Variants in SLC16A10 observed in about 807,000 individuals in gnomAD.
SLC16A10 encodes monocarboxylate transporter 10.
SLC16A10 carries 27 observed loss-of-function variants against 40.0 expected under a neutral mutation model. The ratio of observed to expected loss-of-function variants is 0.67; its 90% CI spans 0.50 to 0.93. SLC16A10 has a LOEUF of 0.93. Among genes scored for constraint, SLC16A10 ranks in the 40% least tolerant of loss-of-function variants. SLC16A10 has a pLI of 0.00. For synonymous variants in SLC16A10, 213 were observed against 249.8 expected (o/e 0.85, Z 1.39); for missense variants, 529 against 658.2 (o/e 0.80, Z 2.15).
chr6:111,200,661 G>A (rs1251644416), intron 3 of SLC16A10, among the ~76,000 whole-genome samples: 1 of 152,144 alleles, frequency 6.6e-6, no homozygotes, highest in African/African-American at 2.4e-5. Context: ...AAGTCAAAGG[G>A]TAGTGTTAAG....
chr6:111,173,142 C>T (rs1772619077), intron 2 of SLC16A10, among the ~76,000 whole-genome samples: 1 of 152,098 alleles, frequency 6.6e-6, no homozygotes, highest in African/African-American at 2.4e-5. Flanking sequence ...CCTAATGGCA[C>T]TCAAGTTATA....
chr6:111,228,270 T>C lies in SLC16A10; in HGVS notation c.*6035T>C, dbSNP rs1390220381. 6.6e-6 allele frequency: 1 copy of C among 152,202 alleles called. No individual in the cohort carries two copies. Among genetic ancestry groups the C allele is most frequent in the Admixed American group, 6.5e-5 (1 of 15,284 alleles). The allele number at this position is 152,202 out of a possible 1,614,324, so 9.4% of individuals were successfully genotyped here. Reference sequence around the variant, plus strand: ...ACAGCTGTGCCCAAACCTGACAACTTACACATTAAACTCCTGTAAGAGACA... The same window carrying C: ...ACAGCTGTGCCCAAACCTGACAACTCACACATTAAACTCCTGTAAGAGACA... On this transcript the variant is annotated 3_prime_UTR_variant, in exon 6 of 6. Transcript: ENST00000368851.
At chr6:111,217,813 C>T (rs1411613582) in intron 4 of SLC16A10, among the ~76,000 whole-genome samples, 1 of 152,106 alleles carries the variant, frequency 6.6e-6, no homozygotes, top group Non-Finnish European at 1.5e-5. Context: ...CTGTTTCCTC[C>T]TTTTTTGTAC....
At chr6:111,088,123 C>A (rs773140812) in intron 1 of SLC16A10, 28 bp downstream of exon 1, 1 of 1,583,282 alleles carries the variant, frequency 6.3e-7, no homozygotes, top group Non-Finnish European at 8.6e-7. Context: ...CCGAGGCCAG[C>A]CTGGGCGACC....
Position 111,087,596 on chromosome 6 carries a change from G to T in SLC16A10, c.-157G>T. 3.3e-6 allele frequency: 1 copy of T among 300,048 alleles called. No individual in the cohort carries two copies. Among genetic ancestry groups the T allele is most frequent in the Non-Finnish European group, 5.8e-6 (1 of 172,226 alleles). 18.6% of individuals were successfully genotyped at this position (300,048 alleles called of 1,614,324 possible). Reference sequence around the variant, plus strand: ...TGTCCTCGCGGCCGCCTGCGCGCTGGCCGCCTGCGCGCTGCCAGCCCGCCC... The same window carrying T: ...TGTCCTCGCGGCCGCCTGCGCGCTGTCCGCCTGCGCGCTGCCAGCCCGCCC... On this transcript the variant is annotated 5_prime_UTR_variant, in exon 1 of 6. Coordinates refer to ENST00000368851, the MANE Select transcript of SLC16A10 (RefSeq NM_018593.5).
chr6:111,092,998 G>A (rs1352980695), intron 1 of SLC16A10, among the ~76,000 whole-genome samples: 1 of 147,012 alleles, frequency 6.8e-6, no homozygotes, highest in Non-Finnish European at 1.5e-5. Context: ...CCAAGATGGC[G>A]CCACTGTACT....
chr6:111,157,235 A>C (rs1040954588), intron 1 of SLC16A10, among the ~76,000 whole-genome samples: 10 of 151,420 alleles, frequency 6.6e-5, no homozygotes, highest in East Asian at 3.9e-4. Flanking sequence ...TTATTTTTTA[A>C]AAGGTAGGAA....
Position 111,206,715 on chromosome 6 carries a change from G to A in SLC16A10, c.1066G>A (p.Val356Met), listed in dbSNP as rs1406562667. The A allele has an allele frequency of 6.2e-7, 1 of 1,614,036 alleles. No homozygotes were observed. The highest frequency in any genetic ancestry group is 8.5e-7 in the Non-Finnish European group (1 of 1,180,034). Residue 356 changes from valine (V) to methionine (M), a missense_variant, in exon 4 of 6, where the codon GTG becomes ATG. Coordinates refer to ENST00000368851, the MANE Select transcript of SLC16A10 (RefSeq NM_018593.5). ...CCGGATTGCAGATTATGTGCCTGGT[G>A]TGAAGAAGGTTTATCTACAGGTACT... ...FGRIADYVPG[V>M]KKVYLQVLSF...
chr6:111,145,268 G>T (rs1005560910), intron 1 of SLC16A10, among the ~76,000 whole-genome samples: 10 of 152,058 alleles, frequency 6.6e-5, no homozygotes, highest in African/African-American at 2.4e-4. Context: ...ACTGGGCATG[G>T]TGGTGGCCTG....
At chr6:111,117,649 C>T (rs1175731885) in intron 1 of SLC16A10, among the ~76,000 whole-genome samples, 1 of 152,122 alleles carries the variant, frequency 6.6e-6, no homozygotes, top group Non-Finnish European at 1.5e-5. Context: ...TTTTGCTTCA[C>T]CACCGATTTA....
chr6:111,138,307 T>C (rs544819705), intron 1 of SLC16A10, among the ~76,000 whole-genome samples: 6 of 152,242 alleles, frequency 3.9e-5, no homozygotes, highest in African/African-American at 1.4e-4. Context: ...AGATACAAGA[T>C]AAAGAACTAA....
intron 1 of SLC16A10, among the ~76,000 whole-genome samples, chr6:111,169,885 T>A (rs1226814479): frequency 6.6e-6 from 1 of 151,650 alleles, no homozygotes; most frequent in Non-Finnish European, 1.5e-5. Context: ...TCACAGAAAC[T>A]TGTGCAAGGG....
At chr6:111,089,747 G>A (rs1398313421) in intron 1 of SLC16A10, among the ~76,000 whole-genome samples, 2 of 151,886 alleles carry the variant, frequency 1.3e-5, no homozygotes, top group Non-Finnish European at 2.9e-5. Context: ...CCCAAAAGAA[G>A]GCAGAATTGA....
At chr6:111,096,633 T>C (rs1403951149) in intron 1 of SLC16A10, among the ~76,000 whole-genome samples, 1 of 152,200 alleles carries the variant, frequency 6.6e-6, no homozygotes, top group East Asian at 1.9e-4. Context: ...ACCTTGCATA[T>C]AGGAACTAAA....
chr6:111,122,505 C>G (rs145893003), intron 1 of SLC16A10, among the ~76,000 whole-genome samples: 1 of 152,110 alleles, frequency 6.6e-6, no homozygotes, highest in Non-Finnish European at 1.5e-5. Flanking sequence ...TTTAAAGAAC[C>G]CTGTGCTCTT....
At chr6:111,088,673 G>C (rs1279837614) in intron 1 of SLC16A10, among the ~76,000 whole-genome samples, 1 of 152,122 alleles carries the variant, frequency 6.6e-6, no homozygotes, top group Admixed American at 6.5e-5. Context: ...TTTGCCCTCT[G>C]GGTTAAATGT....
At position 111,218,814 on chromosome 6, in the gene SLC16A10, G is replaced by C; in HGVS notation, c.1087G>C (p.Val363Leu). ...GCTGACCTTGTGGTGTCCGTCCTAG[G>C]TACTCTCCTTTTTCTTCATTGGTCT... ...VPGVKKVYLQ[V>L]LSFFFIGLMS... is the part of the protein sequence containing the mutation. Residue 363 changes from valine to leucine, a missense_variant and splice_region_variant, in exon 5 of 6, where the codon GTA becomes CTA. Physicochemically the swap from Val to Leu is conservative, Grantham distance 32 (BLOSUM62 1). Transcript: ENST00000368851. 1 of 1,613,926 alleles carries C rather than the reference G, an allele frequency of 6.2e-7. No homozygotes were observed. Among genetic ancestry groups the C allele is most frequent in the Non-Finnish European group, 8.5e-7 (1 of 1,179,900 alleles).
intron 5 of SLC16A10, among the ~76,000 whole-genome samples, chr6:111,220,426 G>A (rs1424976489): frequency 2.0e-5 from 3 of 152,174 alleles, no homozygotes; most frequent in Non-Finnish European, 4.4e-5. Flanking sequence ...GTGTCAATTA[G>A]TATTAGAAGA....
At chr6:111,142,541 C>T (rs978681551) in intron 1 of SLC16A10, among the ~76,000 whole-genome samples, 1 of 152,038 alleles carries the variant, frequency 6.6e-6, no homozygotes, top group Non-Finnish European at 1.5e-5. Context: ...AAAAAGAAAC[C>T]TGATTTTAAA....
Sources: allele counts gnomAD v4.1 joint callset (sites outside exome capture counted in the v4.1 genomes callset), GRCh38; gene constraint gnomAD v4.1.1; transcripts MANE v1.5; gene names NCBI Gene and HGNC (gene_info 2026-07-23, HGNC 2026-07-21).